Variants in GPC1 observed in about 807,000 individuals in gnomAD.
The protein encoded by GPC1 is glypican 1.
In GPC1, 26 loss-of-function variants were observed where a neutral mutation model predicts 51.5. The observed-to-expected ratio is 0.50, with a 90% confidence interval of 0.37 to 0.70. The LOEUF (loss-of-function observed/expected upper bound fraction) is 0.70. GPC1 is among the 30% of genes least tolerant of loss of function. GPC1 has a pLI of 0.00. For missense variants in GPC1, 775 were observed against 800.5 expected, an observed-to-expected ratio of 0.97 and a Z score of 0.38; for synonymous variants, 380 against 348.3, an observed-to-expected ratio of 1.09 and a Z score of -1.01.
chr2:240,439,925 G>A (rs1304026145), intron 1 of GPC1, among the ~76,000 whole-genome samples: 2 of 152,244 alleles, frequency 1.3e-5, no homozygotes, highest in African/African-American at 2.4e-5. Context: ...AGGGCCACCT[G>A]CGTGATGCAA....
At chr2:240,456,766 C>T in intron 1 of GPC1, 1 of 380,234 alleles carries the variant, frequency 2.6e-6, no homozygotes, top group Admixed American at 3.1e-5. Flanking sequence ...ATCCTGCCCC[C>T]ACGGGGGTGG....
chr2:240,457,220 A>C (rs917797230), intron 1 of GPC1, among the ~76,000 whole-genome samples: 6 of 152,144 alleles, frequency 3.9e-5, no homozygotes, highest in East Asian at 3.9e-4. Flanking sequence ...AAAAGAGGGC[A>C]AGGAGGGAGC....
rs1034035655 is a variant in GPC1 at position 240,448,528 on chromosome 2, G to A, written c.167-10502G>A. Among the ~76,000 whole-genome samples the A allele has an allele frequency of 2.6e-5, 4 of 152,206 alleles. No homozygotes were observed. The highest frequency in any genetic ancestry group is 2.1e-4 in the South Asian group (1 of 4,832). On this transcript the variant is annotated intron_variant, in intron 1 of 8. Coordinates refer to ENST00000264039, the MANE Select transcript of GPC1 (RefSeq NM_002081.3). The surrounding 1 kb of genome is among the most constrained non-coding windows in gnomAD (Gnocchi z 4.5). ...AACTCTGAGCCTCCGGCTCTCCTCCGGCAGGTGGCTTCGGGAAATGGGTGG... is the reference window on the plus strand; with the variant it reads ...AACTCTGAGCCTCCGGCTCTCCTCCAGCAGGTGGCTTCGGGAAATGGGTGG...
chr2:240,452,915 C>T (rs1478876177), intron 1 of GPC1: 2 of 295,504 alleles, frequency 6.8e-6, no homozygotes, highest in South Asian at 5.1e-5. Context: ...TTTTCGCCTC[C>T]TGCGAGCCCT....
In GPC1 at chr2:240,435,983, G is replaced by T. The variant is rs781775309; in HGVS notation, c.65G>T (p.Arg22Leu). 1.5e-6 allele frequency: 2 copies of T among 1,366,332 alleles called. No individual in the cohort carries two copies. Among genetic ancestry groups the T allele is most frequent in the Admixed American group, 2.9e-5 (1 of 34,626 alleles). The allele number at this position is 1,366,332 out of a possible 1,614,324, so 84.6% of individuals were successfully genotyped here. A position where few individuals can be genotyped will look rare whatever the true frequency, so the allele number is the denominator to read the frequency against. Residue 22 changes from arginine (R) to leucine (L), a missense_variant, in exon 1 of 9, where the codon CGC becomes CTC. Physicochemically the swap from Arg to Leu is moderately radical, Grantham distance 102. Coordinates refer to ENST00000264039, the MANE Select transcript of GPC1 (RefSeq NM_002081.3). ...CAAAALVACA[R>L]GDPASKSRSC... ...GCCGCAGCGCTGGTCGCCTGCGCCC[G>T]CGGGGACCCGGCCAGCAAGAGCCGG...
At chr2:240,458,035 G>T (rs974297461) in intron 1 of GPC1, 1 of 470,722 alleles carries the variant, frequency 2.1e-6, no homozygotes, top group Admixed American at 2.4e-5. Context: ...GAACAGTGTG[G>T]CCCCGTCAGT....
intron 2 of GPC1, among the ~76,000 whole-genome samples, chr2:240,461,215 CTG>C (rs1559201773): frequency 6.6e-6 from 1 of 152,228 alleles, no homozygotes; most frequent in Non-Finnish European, 1.5e-5. Flanking sequence ...TGGGAGCTCT[CTG>C]TAGCCCTGCC....
intron 1 of GPC1, among the ~76,000 whole-genome samples, chr2:240,443,730 G>C (rs2074032447): frequency 6.6e-6 from 1 of 152,166 alleles, no homozygotes; most frequent in Non-Finnish European, 1.5e-5. Flanking sequence ...GGAGAGAAGG[G>C]TCCCTCTTTC....
chr2:240,439,922 C>T (rs1345099716), intron 1 of GPC1, among the ~76,000 whole-genome samples: 1 of 152,250 alleles, frequency 6.6e-6, no homozygotes, highest in Non-Finnish European at 1.5e-5. Flanking sequence ...GACAGGGCCA[C>T]CTGCGTGATG....
intron 1 of GPC1, chr2:240,450,688 GGTGTGGCTC>G (rs2074090698): frequency 2.1e-6 from 1 of 469,192 alleles, no homozygotes; most frequent in Non-Finnish European, 4.4e-6. Flanking sequence ...GGCTTGGGGG[GGTGTGGCTC>G]GTGGGCCATG....
intron 1 of GPC1, among the ~76,000 whole-genome samples, chr2:240,441,296 G>GGGCT (rs1343290415): frequency 1.3e-5 from 2 of 152,266 alleles, no homozygotes; most frequent in Admixed American, 1.3e-4. Flanking sequence ...TGTCAGCCAT[G>GGGCT]GGCTGGCACT....
chr2:240,461,980 C>G (rs2074219693), intron 2 of GPC1, among the ~76,000 whole-genome samples: 1 of 152,140 alleles, frequency 6.6e-6, no homozygotes, highest in South Asian at 2.1e-4. Flanking sequence ...CCCCCTGCCA[C>G]CTGGGCCCCT....
At chr2:240,447,071 G>A (rs2074055330) in intron 1 of GPC1, among the ~76,000 whole-genome samples, 1 of 152,154 alleles carries the variant, frequency 6.6e-6, no homozygotes, top group Admixed American at 6.5e-5. Flanking sequence ...CAGAAGGGGT[G>A]GGCTTCACCC....
At position 240,464,656 on chromosome 2, in the gene GPC1, G is replaced by A. The variant is rs755408412; in HGVS notation, c.924G>A (p.Ser308=). 54 of 1,613,216 alleles carry A rather than the reference G, an allele frequency of 3.3e-5. No individual in the cohort carries two copies. The highest frequency in any genetic ancestry group is 3.6e-5 in the Non-Finnish European group (42 of 1,179,940). ...TCACCGACAAGTTCTGGGGTACATC[G>A]GGTGTGGAGAGTGTCATCGGCAGCG... is the stretch of plus-strand genomic sequence containing the variant. ...VLITDKFWGT[S]GVESVIGSVH... is the part of the protein sequence containing the mutation. The change falls in exon 5 of 9, where the codon TCG becomes TCA. Residue 308 remains serine (S), a synonymous_variant. Coordinates refer to ENST00000264039, the MANE Select transcript of GPC1 (RefSeq NM_002081.3).
intron 1 of GPC1, chr2:240,452,009 T>G (rs1441758777): frequency 6.5e-6 from 1 of 152,720 alleles, no homozygotes; most frequent in Non-Finnish European, 1.5e-5. Context: ...GCTCTCAGTG[T>G]GCCCATTGCA....
In GPC1 at chr2:240,466,306, A is replaced by G. The variant is rs1368399061; in HGVS notation, c.*16A>G. On this transcript the variant is annotated 3_prime_UTR_variant, in exon 9 of 9. Transcript: ENST00000264039. ...GTGGCGGTAACTGCCCCAAGGCCCC[A>G]GGGACAGAGGCCAAGGACTGACTTT... 3 of 1,371,798 alleles carry G rather than the reference A, an allele frequency of 2.2e-6. No homozygotes were observed. In the South Asian group the frequency reaches 3.5e-5, roughly 16 times the overall value. 85.0% of individuals were successfully genotyped at this position (1,371,798 alleles called of 1,614,324 possible).
chr2:240,465,501 C>G lies in GPC1; in HGVS notation c.1297C>G (p.Leu433Val), dbSNP rs772058778. The change falls in exon 8 of 9, where the codon CTG (leucine) becomes GTG (valine). Residue 433 changes from leucine to valine, a missense_variant. Physicochemically the swap from Leu to Val is conservative, Grantham distance 32. Coordinates refer to ENST00000264039, the MANE Select transcript of GPC1 (RefSeq NM_002081.3). ...CCTCCCCGAGGTCATGGGTGACGGCCTGGCCAACCAGATCAACAACCCCGA... is the reference window on the plus strand; with the variant it reads ...CCTCCCCGAGGTCATGGGTGACGGCGTGGCCAACCAGATCAACAACCCCGA... ...RYLPEVMGDG[L>V]ANQINNPEVE... is the part of the protein sequence containing the mutation. 1 of 1,613,032 alleles carries G rather than the reference C, an allele frequency of 6.2e-7. No individual in the cohort carries two copies. Among genetic ancestry groups the G allele is most frequent in the Admixed American group, 1.7e-5 (1 of 60,008 alleles).
chr2:240,463,194 C>T (rs977366466), intron 3 of GPC1, among the ~76,000 whole-genome samples, 153 bp from the exon 4 acceptor site: 6 of 151,860 alleles, frequency 4.0e-5, no homozygotes, highest in Non-Finnish European at 7.4e-5. Context: ...GCAGGCCCTG[C>T]GAGTCAGGCA....
chr2:240,440,136 G>A (rs2074008684), intron 1 of GPC1, among the ~76,000 whole-genome samples: 1 of 152,136 alleles, frequency 6.6e-6, no homozygotes, highest in African/African-American at 2.4e-5. Context: ...GGGCAGCCTC[G>A]GGCTGTGTCC....
Sources: allele counts gnomAD v4.1 joint callset (sites outside exome capture counted in the v4.1 genomes callset), GRCh38; gene constraint gnomAD v4.1.1; non-coding constraint Gnocchi (gnomAD v3.1); transcripts MANE v1.5; gene names NCBI Gene and HGNC (gene_info 2026-07-23, HGNC 2026-07-21).